WWOX: variants seen among roughly 807,000 people sequenced by gnomAD.
The protein encoded by WWOX is WW domain-containing oxidoreductase.
A neutral mutation model predicts 46.2 loss-of-function variants in WWOX; 69 were observed. That is an observed-to-expected ratio of 1.49 (90% CI 1.23 to 1.82). The LOEUF (loss-of-function observed/expected upper bound fraction) is 1.82. Among genes scored for constraint, WWOX ranks in the 40% most tolerant of loss-of-function variants. WWOX has a pLI of 0.00. For missense variants in WWOX, 919 were observed against 542.6 expected, an observed-to-expected ratio of 1.69 and a Z score of -6.89; for synonymous variants, 359 against 202.6, an observed-to-expected ratio of 1.77 and a Z score of -6.56.
At chr16:78,988,363 A>G (rs1237160284) in intron 8 of WWOX, among the ~76,000 whole-genome samples, 1 of 151,984 alleles carries the variant, frequency 6.6e-6, no homozygotes, top group Non-Finnish European at 1.5e-5. Flanking sequence ...TAAAAAAAAA[A>G]AAAAAAGAAA....
intron 5 of WWOX, chr16:78,278,746 T>C: frequency 8.2e-7 from 1 of 1,221,980 alleles, no homozygotes; most frequent in Non-Finnish European, 1.2e-6. Flanking sequence ...TGTTTTGACT[T>C]CTATCTCGGT....
At chr16:78,245,435 G>A (rs748606561) in intron 5 of WWOX, among the ~76,000 whole-genome samples, 47 of 152,174 alleles carry the variant, frequency 3.1e-4, no homozygotes, top group Non-Finnish European at 6.0e-4. Context: ...AGGTACAAAC[G>A]CTTGAGAAGT....
Position 78,100,189 on chromosome 16 carries a change from T to C in WWOX, c.107+304T>C, listed in dbSNP as rs574821997. The C allele has an allele frequency of 1.5e-4, 180 of 1,226,204 alleles. 1 individual carries two copies. The highest frequency in any genetic ancestry group is 1.8e-4 in the Non-Finnish European group (177 of 971,832). 76.0% of individuals were successfully genotyped at this position (1,226,204 alleles called of 1,614,324 possible). On this transcript the variant is annotated intron_variant, in intron 1 of 8. Coordinates refer to ENST00000566780, the MANE Select transcript of WWOX (RefSeq NM_016373.4). ...TCCCCGCCAAAAAATAAAGATGTTT[T>C]AAAAAGCGCACATGCTCAGCTCCCT...
At chr16:78,541,882 G>A (rs368516338) in intron 8 of WWOX, among the ~76,000 whole-genome samples, 27 of 151,888 alleles carry the variant, frequency 1.8e-4, no homozygotes, top group African/African-American at 5.8e-4. Context: ...CGTTGCTTTT[G>A]TAATATGAAA....
At chr16:78,594,813 T>C (rs2045448325) in intron 8 of WWOX, among the ~76,000 whole-genome samples, 1 of 152,206 alleles carries the variant, frequency 6.6e-6, no homozygotes, top group South Asian at 2.1e-4. Flanking sequence ...TCTCTCGGGA[T>C]GTAAATTAAA....
At chr16:78,199,670 C>A (rs543242337) in intron 5 of WWOX, among the ~76,000 whole-genome samples, 1 of 152,180 alleles carries the variant, frequency 6.6e-6, no homozygotes, top group Non-Finnish European at 1.5e-5. Flanking sequence ...TCTGAGCCTG[C>A]GTAGATGATC....
intron 8 of WWOX, among the ~76,000 whole-genome samples, chr16:78,709,163 G>A (rs1715806008): frequency 6.6e-6 from 1 of 152,186 alleles, no homozygotes; most frequent in Non-Finnish European, 1.5e-5. Context: ...GAAATGGGAG[G>A]AAGAACTGGA....
At position 78,609,803 on chromosome 16, in the gene WWOX, C is replaced by T. The variant is rs531785668; in HGVS notation, c.1056+177051C>T. 4.5e-3 allele frequency among the ~76,000 whole-genome samples: 686 copies of T among 152,254 alleles called. 3 individuals are homozygous for T. Among genetic ancestry groups the T allele is most frequent in the Non-Finnish European group, 8.0e-3 (542 of 68,004 alleles). On this transcript the variant is annotated intron_variant, in intron 8 of 8. Coordinates refer to ENST00000566780, the MANE Select transcript of WWOX (RefSeq NM_016373.4). ...TACCATGCAAATGAAAATATTTTTT[C>T]CAAAGCTATCTGCTAATCCCTGTGA...
At chr16:78,747,800 C>G (rs919895288) in intron 8 of WWOX, among the ~76,000 whole-genome samples, 1 of 152,192 alleles carries the variant, frequency 6.6e-6, no homozygotes, top group Non-Finnish European at 1.5e-5. Flanking sequence ...GCTCAACATA[C>G]CAGAGTTTAG....
chr16:78,484,591 T>G (rs1245225567), intron 8 of WWOX, among the ~76,000 whole-genome samples: 1 of 152,230 alleles, frequency 6.6e-6, no homozygotes, highest in Non-Finnish European at 1.5e-5. Context: ...GGTTTTACGT[T>G]ACAATTTAAT....
intron 8 of WWOX, among the ~76,000 whole-genome samples, chr16:79,067,918 T>A (rs1273339461): frequency 6.6e-6 from 1 of 152,220 alleles, no homozygotes; most frequent in Non-Finnish European, 1.5e-5. Flanking sequence ...CTCCTGGGAA[T>A]GCCTGTGATC....
intron 8 of WWOX, among the ~76,000 whole-genome samples, chr16:79,026,374 C>A (rs1033449408): frequency 6.6e-6 from 1 of 151,720 alleles, no homozygotes; most frequent in Non-Finnish European, 1.5e-5. Context: ...CACATCACAT[C>A]TTCTGAGATA....
At chr16:78,666,706 G>T (rs1180434576) in intron 8 of WWOX, among the ~76,000 whole-genome samples, 1 of 152,142 alleles carries the variant, frequency 6.6e-6, no homozygotes, top group African/African-American at 2.4e-5. Context: ...TTAATTCAGG[G>T]GGGATTTACA....
chr16:78,969,516 C>G (rs1175076059), intron 8 of WWOX, among the ~76,000 whole-genome samples: 1 of 152,088 alleles, frequency 6.6e-6, no homozygotes, highest in African/African-American at 2.4e-5. Flanking sequence ...AGTGATCCAA[C>G]CGCCTCAGCC....
chr16:79,123,608 C>T (rs2049686489), intron 8 of WWOX, among the ~76,000 whole-genome samples: 1 of 152,126 alleles, frequency 6.6e-6, no homozygotes, highest in African/African-American at 2.4e-5. Context: ...AGTAGTAGAG[C>T]CAGCAGTCAA....
chr16:78,968,427 A>C (rs942959059), intron 8 of WWOX, among the ~76,000 whole-genome samples: 1 of 152,208 alleles, frequency 6.6e-6, no homozygotes, highest in Non-Finnish European at 1.5e-5. Context: ...GTGGTAGCCA[A>C]ACTGTTCCCT....
chr16:78,669,050 C>G (rs769184566), intron 8 of WWOX, among the ~76,000 whole-genome samples: 3 of 152,182 alleles, frequency 2.0e-5, no homozygotes, highest in Non-Finnish European at 2.9e-5. Flanking sequence ...AAGTGACCCT[C>G]CAGGAAGGCC....
At chr16:78,881,804 A>G (rs2044348444) in intron 8 of WWOX, among the ~76,000 whole-genome samples, 1 of 152,170 alleles carries the variant, frequency 6.6e-6, no homozygotes, top group Admixed American at 6.5e-5. Flanking sequence ...GATTTTATGG[A>G]TATAGGCATT....
At chr16:78,818,767 G>C (rs546225615) in intron 8 of WWOX, among the ~76,000 whole-genome samples, 2 of 152,260 alleles carry the variant, frequency 1.3e-5, no homozygotes, top group South Asian at 2.1e-4. Context: ...AACTATTCGG[G>C]GCCTTAGTTT....
Sources: allele counts gnomAD v4.1 joint callset (sites outside exome capture counted in the v4.1 genomes callset), GRCh38; gene constraint gnomAD v4.1.1; transcripts MANE v1.5; gene names NCBI Gene and HGNC (gene_info 2026-07-23, HGNC 2026-07-21).